The following TRIM36 variants were observed in gnomAD, a reference collection of about 807,000 sequenced individuals.
TRIM36 encodes the protein E3 ubiquitin-protein ligase TRIM36.
Under a neutral mutation model 72.4 loss-of-function variants are expected in TRIM36, and 42 were observed. The observed-to-expected ratio is 0.58, with a 90% CI of 0.45 to 0.75. TRIM36 has a LOEUF of 0.75. TRIM36 is among the 30% of genes least tolerant of loss of function. The pLI, the probability that TRIM36 is intolerant of heterozygous loss-of-function variation, is 0.00. For missense variants in TRIM36, 913 were observed against 857.1 expected (o/e 1.07, Z -0.81); for synonymous variants, 315 against 282.8 (o/e 1.11, Z -1.14).
intron 5 of TRIM36, among the ~76,000 whole-genome samples, chr5:115,139,768 T>C (rs185979534): frequency 1.1e-3 from 164 of 152,320 alleles, no homozygotes; most frequent in African/African-American, 3.8e-3. Flanking sequence ...AGGCTACAGA[T>C]ACAACTTAGG....
chr5:115,150,298 T>C (rs943830690), intron 2 of TRIM36, among the ~76,000 whole-genome samples: 1 of 152,204 alleles, frequency 6.6e-6, no homozygotes, highest in African/African-American at 2.4e-5. Flanking sequence ...ACAGTAGCCA[T>C]TAGCCACATG....
chr5:115,134,545 A>C (rs947214787), intron 7 of TRIM36, among the ~76,000 whole-genome samples: 2 of 104,242 alleles, frequency 1.9e-5, no homozygotes, highest in African/African-American at 2.7e-5. Flanking sequence ...ACTCTCAATG[A>C]ATTTTTTTTT....
At chr5:115,140,831 C>G (rs1312607473) in intron 5 of TRIM36, among the ~76,000 whole-genome samples, 1 of 152,116 alleles carries the variant, frequency 6.6e-6, no homozygotes, top group African/African-American at 2.4e-5. Context: ...CACCAACATT[C>G]TAATATATGT....
chr5:115,133,379 A>G (rs898286111), intron 8 of TRIM36, among the ~76,000 whole-genome samples: 4 of 152,148 alleles, frequency 2.6e-5, no homozygotes, highest in Non-Finnish European at 5.9e-5. Flanking sequence ...TGTGGTTCTA[A>G]TATATGGCTT....
At chr5:115,129,300 C>A (rs567072140) in intron 9 of TRIM36, among the ~76,000 whole-genome samples, 2 of 152,192 alleles carry the variant, frequency 1.3e-5, no homozygotes, top group African/African-American at 4.8e-5. Context: ...CGGTGGCTCA[C>A]GCCTGTAATC....
chr5:115,126,773 G>A lies in TRIM36; in HGVS notation c.1881C>T (p.Gly627=). 2.5e-6 allele frequency: 4 copies of A among 1,614,116 alleles called. No individual in the cohort carries two copies. The highest frequency in any genetic ancestry group is 3.4e-6 in the Non-Finnish European group (4 of 1,180,022). Residue 627 remains glycine (G), a synonymous_variant, in exon 10 of 10, where the codon GGC becomes GGT. Coordinates refer to ENST00000513154, the MANE Select transcript of TRIM36 (RefSeq NM_001300759.2). ...SSQPFTLVTI[G]MQKFFIPKSP... is the part of the protein sequence containing the mutation. The stretch of plus-strand genomic sequence containing the variant: ...ACTTGGGTATAAAAAATTTCTGCAT[G>A]CCTATAGTAACTAAGGTAAATGGTT...
At chr5:115,137,308 C>T (rs1435455825) in intron 6 of TRIM36, 55 bp downstream of exon 6, 3 of 1,552,884 alleles carry the variant, frequency 1.9e-6, no homozygotes, top group Non-Finnish European at 2.6e-6. Context: ...GAATACACAG[C>T]AGCATTTAAT....
chr5:115,169,612 G>A lies in TRIM36; in HGVS notation c.23C>T (p.Ser8Leu), dbSNP rs928536366. ...GGCGGTCCCCTCCGCACTCACCGGC[G>A]AATCTGAGCCATCGCCCTCCATGGC... MEGDGSD[S>L]PVTIKNIERE... is the part of the protein sequence containing the mutation. The change falls in exon 1 of 10, where the codon TCG becomes TTG. Residue 8 changes from serine (S) to leucine (L), a missense_variant. By Grantham distance (145) the Ser-to-Leu change is moderately radical. Transcript: ENST00000513154. 2 of 1,521,998 alleles carry A rather than the reference G, an allele frequency of 1.3e-6. No homozygotes were observed. The highest frequency in any genetic ancestry group is 2.8e-5 in the African/African-American group (2 of 72,572). The allele number at this position is 1,521,998 out of a possible 1,614,324, so 94.3% of individuals were successfully genotyped here. A position where few individuals can be genotyped will look rare whatever the true frequency, so the allele number is the denominator to read the frequency against.
At chr5:115,147,608 T>C (rs1753665945) in intron 2 of TRIM36, among the ~76,000 whole-genome samples, 1 of 151,834 alleles carries the variant, frequency 6.6e-6, no homozygotes, top group African/African-American at 2.4e-5. Context: ...AAACAGCAAA[T>C]CAAAAAGGAA....
At chr5:115,166,985 G>A (rs1468758432) in intron 1 of TRIM36, among the ~76,000 whole-genome samples, 1 of 152,126 alleles carries the variant, frequency 6.6e-6, no homozygotes, top group African/African-American at 2.4e-5. Flanking sequence ...TGCACCCCTT[G>A]CTGCTCTGCA....
chr5:115,178,328 C>T (rs1272215137), intron 1 of TRIM36, among the ~76,000 whole-genome samples: 1 of 152,168 alleles, frequency 6.6e-6, no homozygotes, highest in Non-Finnish European at 1.5e-5. Context: ...ATTCTTTTTC[C>T]TCCCTGCCCC....
At chr5:115,166,829 C>T (rs532216958) in intron 1 of TRIM36, among the ~76,000 whole-genome samples, 1 of 152,228 alleles carries the variant, frequency 6.6e-6, no homozygotes, top group South Asian at 2.1e-4. Context: ...CACCATGTTC[C>T]ACAGTGCTTG....
In TRIM36 at chr5:115,126,825, C is replaced by T. The variant is rs1414986954; in HGVS notation, c.1829G>A (p.Ser610Asn). 2.5e-6 allele frequency: 4 copies of T among 1,613,812 alleles called. No individual in the cohort carries two copies. Among genetic ancestry groups the T allele is most frequent in the South Asian group, 2.2e-5 (2 of 91,008 alleles). Residue 610 changes from serine (S) to asparagine (N), a missense_variant, in exon 10 of 10, where the codon AGT (serine) becomes AAT (asparagine). Coordinates refer to ENST00000513154, the MANE Select transcript of TRIM36 (RefSeq NM_001300759.2). ...TGAAGAATCAAAACAGGCATCCTCACTTCCACTGTCATGCCCACTGTCTTG... is the reference window on the plus strand; with the variant it reads ...TGAAGAATCAAAACAGGCATCCTCATTTCCACTGTCATGCCCACTGTCTTG... ...YEQDSGHDSGSEDACFDSSQP... is the reference protein window; with the variant it reads ...YEQDSGHDSGNEDACFDSSQP...
rs755036219 is a variant in TRIM36 at position 115,144,752 on chromosome 5, G to A, written c.589-8C>T. 5 of 1,608,234 alleles carry A rather than the reference G, an allele frequency of 3.1e-6. No individual in the cohort carries two copies. Among genetic ancestry groups the A allele is most frequent in the Non-Finnish European group, 3.4e-6 (4 of 1,178,478 alleles). On this transcript the variant is annotated splice_region_variant and splice_polypyrimidine_tract_variant and intron_variant, in intron 3 of 9. Transcript: ENST00000513154. ...TTCTGGGCACATTAAAATCTATTGAGTAAAGAATAAAAGTGTGATTAAGGA... is the reference window on the plus strand; with the variant it reads ...TTCTGGGCACATTAAAATCTATTGAATAAAGAATAAAAGTGTGATTAAGGA...
intron 1 of TRIM36, among the ~76,000 whole-genome samples, chr5:115,179,746 G>A (rs1440048595): frequency 1.3e-5 from 2 of 152,246 alleles, no homozygotes; most frequent in Non-Finnish European, 2.9e-5. Flanking sequence ...GGCCCCAAAA[G>A]CGTCCGAAAG....
chr5:115,159,579 T>C, intron 2 of TRIM36: 1 of 432,420 alleles, frequency 2.3e-6, no homozygotes, highest in Non-Finnish European at 4.6e-6. Context: ...TACACAAGAT[T>C]ATTTAATTTA....
Position 115,137,039 on chromosome 5 carries a change from G to A in TRIM36, c.1171C>T (p.Gln391Ter). 6.2e-7 allele frequency: 1 copy of A among 1,610,176 alleles called. No homozygotes were observed. The highest frequency in any genetic ancestry group is 8.5e-7 in the Non-Finnish European group (1 of 1,178,644). ...GATAATTCTCCAAGAAGTTCTGTTT[G>A]TTTAGAGGTATTAACAACATAGTCT... ...FEDYVVNTSKQTELLGELSFF... is the reference protein window; with the variant it reads ...FEDYVVNTSK Residue 391 changes from glutamine to a stop codon, truncating the protein, a stop_gained, in exon 7 of 10, where the codon CAA (glutamine) becomes TAA (stop). Coordinates refer to ENST00000513154, the MANE Select transcript of TRIM36 (RefSeq NM_001300759.2). LOFTEE classifies it high-confidence loss of function.
At chr5:115,168,881 A>G (rs531883294) in intron 1 of TRIM36, 1 of 152,200 alleles carries the variant, frequency 6.6e-6, no homozygotes, top group African/African-American at 2.4e-5. Context: ...CTGGGGGAGG[A>G]TCTAAAATCA....
chr5:115,143,510 C>A (rs1322484024), intron 4 of TRIM36, among the ~76,000 whole-genome samples: 2 of 151,108 alleles, frequency 1.3e-5, no homozygotes, highest in African/African-American at 4.9e-5. Flanking sequence ...AAAAAAAAAT[C>A]AAAACTGACC....
Sources: gnomAD v4.1 joint callset for allele counts (sites outside exome capture counted in the v4.1 genomes callset) on GRCh38, gnomAD v4.1.1 for gene constraint, MANE v1.5 for transcripts, NCBI Gene and HGNC (gene_info 2026-07-23, HGNC 2026-07-21) for gene names.